The following ZFHX4 variants were observed in gnomAD, a reference collection of about 807,000 sequenced individuals.
The protein encoded by ZFHX4 is zinc finger homeobox protein 4.
A neutral mutation model predicts 267.6 loss-of-function variants in ZFHX4; 56 were observed. The observed-to-expected ratio is 0.21, with a 90% CI of 0.17 to 0.26. ZFHX4 has a LOEUF of 0.26. Ranked by LOEUF, ZFHX4 falls within the 10% of genes least tolerant of loss-of-function variation. The pLI, the probability that ZFHX4 is intolerant of heterozygous loss-of-function variation, is 1.00. For missense variants in ZFHX4, 4,332 were observed against 4,420.0 expected (o/e 0.98, Z 0.56); for synonymous variants, 1,778 against 1,665.6 (o/e 1.07, Z -1.64).
intron 4 of ZFHX4, among the ~76,000 whole-genome samples, chr8:76,824,275 G>A (rs1251958544): frequency 6.6e-6 from 1 of 152,140 alleles, no homozygotes; most frequent in Non-Finnish European, 1.5e-5. Context: ...GTTCAGTAAG[G>A]CATATGATTT....
chr8:76,731,150 G>C lies in ZFHX4; in HGVS notation c.3093+23102G>C, dbSNP rs1808998940. Among the ~76,000 whole-genome samples, 4 of 152,286 alleles carry C rather than the reference G, an allele frequency of 2.6e-5. No individual in the cohort carries two copies. In the South Asian group the frequency reaches 8.3e-4, roughly 32 times the overall value. On this transcript the variant is annotated intron_variant, in intron 3 of 10. Coordinates refer to ENST00000651372, the MANE Select transcript of ZFHX4 (RefSeq NM_024721.5). ...ATCCAGAAAGGTGTGGAAGGAGACTGTCCTGAGTATATACAAAAACACACA... is the reference window on the plus strand; with the variant it reads ...ATCCAGAAAGGTGTGGAAGGAGACTCTCCTGAGTATATACAAAAACACACA...
intron 3 of ZFHX4, among the ~76,000 whole-genome samples, chr8:76,711,585 T>A (rs1808425706): frequency 6.6e-6 from 1 of 152,196 alleles, no homozygotes; most frequent in South Asian, 2.1e-4. Flanking sequence ...TTTAGTCAGT[T>A]GATAAAATAA....
intron 3 of ZFHX4, among the ~76,000 whole-genome samples, chr8:76,744,294 C>T (rs62516835): frequency 0.035 from 5,357 of 152,024 alleles, 146 homozygotes; most frequent in Admixed American, 0.093. Context: ...TGCGGGGAGT[C>T]GAGATCATGC....
chr8:76,860,715 C>T (rs991536102), intron 10 of ZFHX4, among the ~76,000 whole-genome samples: 2 of 152,106 alleles, frequency 1.3e-5, no homozygotes, highest in African/African-American at 4.8e-5. Flanking sequence ...GCCTCCTCCA[C>T]CTGAATCACT....
At chr8:76,767,648 A>T (rs1468713460) in intron 3 of ZFHX4, among the ~76,000 whole-genome samples, 6 of 152,218 alleles carry the variant, frequency 3.9e-5, no homozygotes, top group Admixed American at 3.9e-4. Context: ...CCACATTTTA[A>T]AAAAGAAATT....
chr8:76,735,393 G>T (rs1168878260), intron 3 of ZFHX4, among the ~76,000 whole-genome samples: 2 of 152,034 alleles, frequency 1.3e-5, no homozygotes, highest in African/African-American at 4.8e-5. Context: ...ATGGAAAAAA[G>T]CTCATCTTTT....
At chr8:76,722,130 A>G (rs766110829) in intron 3 of ZFHX4, among the ~76,000 whole-genome samples, 34 of 152,192 alleles carry the variant, frequency 2.2e-4, no homozygotes, top group Non-Finnish European at 1.2e-4. Flanking sequence ...TGGCTGATTG[A>G]CATGGGTATG....
In ZFHX4 at chr8:76,863,123, G is replaced by T; in HGVS notation, c.9409G>T (p.Gly3137Trp). 6.5e-7 allele frequency: 1 copy of T among 1,532,482 alleles called. No individual in the cohort carries two copies. Among genetic ancestry groups the T allele is most frequent in the Non-Finnish European group, 8.8e-7 (1 of 1,138,712 alleles). 94.9% of individuals were successfully genotyped at this position (1,532,482 alleles called of 1,614,324 possible). A position where few individuals can be genotyped will look rare whatever the true frequency, so the allele number is the denominator to read the frequency against. Residue 3137 changes from glycine to tryptophan, a missense_variant, in exon 11 of 11, where the codon GGG becomes TGG. Transcript: ENST00000651372. Reference protein sequence around the residue: ...TLTPPGAGMLGFPTSATSSPA... With the variant: ...TLTPPGAGMLWFPTSATSSPA... ...AACACCTCCCGGTGCAGGCATGCTT[G>T]GGTTTCCTACTTCAGCTACTTCGTC...
At chr8:76,681,915 A>C (rs1026197780) in intron 1 of ZFHX4, among the ~76,000 whole-genome samples, 15 of 151,610 alleles carry the variant, frequency 9.9e-5, no homozygotes, top group Non-Finnish European at 1.9e-4. Flanking sequence ...CTGATTTTCC[A>C]CTTTCTTTAG....
intron 1 of ZFHX4, chr8:76,682,539 C>G (rs1419906939): frequency 1.3e-5 from 2 of 152,370 alleles, no homozygotes; most frequent in Admixed American, 6.5e-5. Flanking sequence ...CGCCCGGCCT[C>G]TGGGCCAGGG....
rs1415386927 is a variant in ZFHX4 at position 76,706,417 on chromosome 8, A to G, written c.2329A>G (p.Asn777Asp). 1.2e-6 allele frequency: 2 copies of G among 1,614,148 alleles called. No homozygotes were observed. The highest frequency in any genetic ancestry group is 1.7e-6 in the Non-Finnish European group (2 of 1,180,006). The change falls in exon 2 of 11, where the codon AAT (asparagine) becomes GAT (aspartate). Residue 777 changes from asparagine (N) to aspartate (D), a missense_variant. Physicochemically the swap from Asn to Asp is conservative, Grantham distance 23. This residue lies in a region of ZFHX4 where 1,195 missense variants were observed against 1,173.6 expected (regional missense o/e 1.02). Transcript: ENST00000651372. Reference protein sequence around the residue: ...WRCEVCDYETNVARNLRIHMT... With the variant: ...WRCEVCDYETDVARNLRIHMT... ...GTGTGAAGTTTGTGATTATGAAACC[A>G]ATGTCGCCAGGAACCTCCGAATTCA...
At chr8:76,697,529 G>T (rs931434715) in intron 1 of ZFHX4, among the ~76,000 whole-genome samples, 5 of 151,958 alleles carry the variant, frequency 3.3e-5, no homozygotes, top group Non-Finnish European at 7.4e-5. Flanking sequence ...TGGTAACTAT[G>T]ATTTATAAAT....
rs550649829 is a variant in ZFHX4, at chr8:76,863,855, C to T, written c.10141C>T (p.Pro3381Ser). Residue 3381 changes from proline (P) to serine (S), a missense_variant, in exon 11 of 11, where the codon CCC becomes TCC. Pro to Ser is a moderately conservative substitution (Grantham distance 74, BLOSUM62 -1). Transcript: ENST00000651372. Reference protein sequence around the residue: ...STATESTKEEPQLESKSADFS... With the variant: ...STATESTKEESQLESKSADFS... ...TGCTACAGAAAGCACAAAAGAAGAACCCCAGTTAGAATCCAAAAGTGCAGA... is the reference window on the plus strand; with the variant it reads ...TGCTACAGAAAGCACAAAAGAAGAATCCCAGTTAGAATCCAAAAGTGCAGA... 16 of 1,556,404 alleles carry T rather than the reference C, an allele frequency of 1.0e-5. No homozygotes were observed. In the South Asian group the frequency reaches 1.8e-4, roughly 17 times the overall value.
intron 3 of ZFHX4, among the ~76,000 whole-genome samples, chr8:76,760,370 T>A (rs190242063): frequency 5.6e-4 from 85 of 152,324 alleles, no homozygotes; most frequent in African/African-American, 1.9e-3. Flanking sequence ...ATTGAGCATC[T>A]ACAATGTGCT....
chr8:76,856,546 T>C (rs1387295146), intron 10 of ZFHX4, among the ~76,000 whole-genome samples: 2 of 152,222 alleles, frequency 1.3e-5, no homozygotes, highest in Non-Finnish European at 2.9e-5. Context: ...TAATTATTTG[T>C]ATCATTACAG....
At position 76,705,722 on chromosome 8, in the gene ZFHX4, G is replaced by C. The variant is rs759687521; in HGVS notation, c.1634G>C (p.Ser545Thr). 1.2e-6 allele frequency: 2 copies of C among 1,613,934 alleles called. No individual in the cohort carries two copies. Among genetic ancestry groups the C allele is most frequent in the South Asian group, 1.1e-5 (1 of 91,088 alleles). Residue 545 changes from serine (S) to threonine (T), a missense_variant, in exon 2 of 11, where the codon AGT becomes ACT. Physicochemically the swap from Ser to Thr is moderately conservative, Grantham distance 58. Transcript: ENST00000651372. The stretch of plus-strand genomic sequence containing the variant: ...AAACAGACTGCTGCTGTTAGGGCCA[G>C]TGGCAGTGTTGCTAGTAACTATGGC... ...KKKQTAAVRA[S>T]GSVASNYGIS...
rs374762945 is a variant in ZFHX4 at position 76,705,154 on chromosome 8, C to A, written c.1066C>A (p.Pro356Thr). The change falls in exon 2 of 11, where the codon CCC becomes ACC. Residue 356 changes from proline (P) to threonine (T), a missense_variant. Physicochemically the swap from Pro to Thr is conservative, Grantham distance 38 (BLOSUM62 -1). Around this residue, in one of 7 missense-constraint regions of ZFHX4, gnomAD observed 1,195 missense variants for 1,173.6 expected, o/e 1.02. Coordinates refer to ENST00000651372, the MANE Select transcript of ZFHX4 (RefSeq NM_024721.5). ...PHFSTTNLIG[P>T]DPTFRGLWSA... ...TTTTTCTACTACAAACCTCATAGGACCCGATCCAACCTTCCGCGGTTTATG... is the reference window on the plus strand; with the variant it reads ...TTTTTCTACTACAAACCTCATAGGAACCGATCCAACCTTCCGCGGTTTATG... 3 of 1,613,752 alleles carry A rather than the reference C, an allele frequency of 1.9e-6. No individual in the cohort carries two copies. The highest frequency in any genetic ancestry group is 2.5e-6 in the Non-Finnish European group (3 of 1,179,898).
intron 3 of ZFHX4, among the ~76,000 whole-genome samples, chr8:76,755,614 A>T (rs1809740870): frequency 6.6e-6 from 1 of 152,156 alleles, no homozygotes; most frequent in South Asian, 2.1e-4. Context: ...TTGTATGGAT[A>T]CTGTTTGAAA....
chr8:76,748,569 G>A (rs1809531470), intron 3 of ZFHX4, among the ~76,000 whole-genome samples: 1 of 152,060 alleles, frequency 6.6e-6, no homozygotes, highest in Non-Finnish European at 1.5e-5. Context: ...TGAGTAGCTG[G>A]GGGTACAGGC....
Sources: gnomAD v4.1 joint callset for allele counts (sites outside exome capture counted in the v4.1 genomes callset) on GRCh38, gnomAD v4.1.1 for gene constraint, gnomAD v4.1.1 regional missense constraint, MANE v1.5 for transcripts, NCBI Gene and HGNC (gene_info 2026-07-23, HGNC 2026-07-21) for gene names.